Variants in SLC9A9 observed in about 807,000 individuals in gnomAD.
The protein encoded by SLC9A9 is solute carrier family 9 member A9.
SLC9A9 carries 62 observed loss-of-function variants against 77.8 expected under a neutral mutation model. The observed-to-expected ratio is 0.80, with a 90% CI of 0.65 to 0.98. SLC9A9 has a LOEUF of 0.98. Ranked by LOEUF, SLC9A9 falls within the 50% of genes least tolerant of loss-of-function variation. The pLI is 0.00. For missense variants in SLC9A9, 775 were observed against 774.9 expected (o/e 1.00, Z 0.00); for synonymous variants, 320 against 283.5 (o/e 1.13, Z -1.29).
In SLC9A9 at chr3:143,728,027, C is replaced by T. The variant is rs1008287821; in HGVS notation, c.534-34720G>A. The stretch of plus-strand genomic sequence containing the variant: ...ATTTCTTCTTTATGTTCTTCTCCTT[C>T]GAATATTGTCCCTGATAGCTGTTTT... On this transcript the variant is annotated intron_variant, in intron 4 of 15. Transcript: ENST00000316549. Among the ~76,000 whole-genome samples the T allele has an allele frequency of 4.6e-5, 7 of 152,286 alleles. No homozygotes were observed. The South Asian group carries it at 1.0e-3, about 23-fold the overall frequency.
chr3:143,574,097 C>T lies in SLC9A9; in HGVS notation c.991G>A (p.Gly331Ser), dbSNP rs544613454. Residue 331 changes from glycine to serine, a missense_variant, in exon 8 of 16, where the codon GGC (glycine) becomes AGC (serine). Transcript: ENST00000316549. The stretch of plus-strand genomic sequence containing the variant: ...AGCATGAAGCACTGACCTGTTAGGC[C>T]GGCAGCCTCGGCAGACAGGAAGGCA... ...WSAFLSAEAAGLTGIVAVLFC... is the reference protein window; with the variant it reads ...WSAFLSAEAASLTGIVAVLFC... The T allele has an allele frequency of 4.2e-5, 67 of 1,612,918 alleles. No individual in the cohort carries two copies. The highest frequency in any genetic ancestry group is 2.9e-4 in the East Asian group (13 of 44,826).
intron 14 of SLC9A9, among the ~76,000 whole-genome samples, chr3:143,330,017 G>A (rs139440750): frequency 3.3e-5 from 5 of 152,252 alleles, no homozygotes; most frequent in Admixed American, 6.5e-5. Context: ...AAATGCTGGC[G>A]GCGCTATTCA....
intron 14 of SLC9A9, among the ~76,000 whole-genome samples, chr3:143,304,864 G>A (rs2030707139): frequency 6.6e-6 from 1 of 152,124 alleles, no homozygotes; most frequent in South Asian, 2.1e-4. Flanking sequence ...CCCAGGTGAT[G>A]AGCACCACCA....
chr3:143,321,010 A>G (rs2031400280), intron 14 of SLC9A9, among the ~76,000 whole-genome samples: 1 of 152,206 alleles, frequency 6.6e-6, no homozygotes, highest in East Asian at 1.9e-4. Flanking sequence ...ATTGCCAGCA[A>G]TCGTCACAGG....
chr3:143,672,734 T>G (rs1336753044), intron 5 of SLC9A9, among the ~76,000 whole-genome samples: 3 of 152,206 alleles, frequency 2.0e-5, no homozygotes, highest in Non-Finnish European at 4.4e-5. Flanking sequence ...TTAAAATGAA[T>G]TTAATTAAAA....
intron 12 of SLC9A9, among the ~76,000 whole-genome samples, chr3:143,389,672 AC>A (rs2033507917): frequency 6.6e-6 from 1 of 152,182 alleles, no homozygotes; most frequent in South Asian, 2.1e-4. Flanking sequence ...AAAAATAGCA[AC>A]CCCCTCAGAG....
intron 15 of SLC9A9, 118 bp from the exon 16 acceptor site, chr3:143,267,047 G>T: frequency 1.1e-6 from 1 of 917,672 alleles, no homozygotes; most frequent in Non-Finnish European, 1.7e-6. Flanking sequence ...TAACTGCCCT[G>T]TCTGGCCTTG....
intron 6 of SLC9A9, among the ~76,000 whole-genome samples, chr3:143,599,150 T>C (rs1209529667): frequency 5.9e-5 from 9 of 152,246 alleles, no homozygotes; most frequent in Non-Finnish European, 5.9e-5. Flanking sequence ...GCCTACCGTG[T>C]GCCTCATGGG....
chr3:143,544,541 T>G (rs1001336703), intron 9 of SLC9A9, among the ~76,000 whole-genome samples: 33 of 152,322 alleles, frequency 2.2e-4, no homozygotes, highest in African/African-American at 7.9e-4. Flanking sequence ...TTTAGTTGTT[T>G]AAGTTTCTTA....
intron 12 of SLC9A9, among the ~76,000 whole-genome samples, chr3:143,386,768 T>C (rs1360534083): frequency 1.3e-5 from 2 of 152,138 alleles, no homozygotes; most frequent in African/African-American, 4.8e-5. Flanking sequence ...ACAGCAAGGA[T>C]TTCTGGTCTC....
rs7619486 is a variant in SLC9A9, at chr3:143,726,219, T to C, written c.534-32912A>G. Among the ~76,000 whole-genome samples, 1,254 of 125,766 alleles carry C rather than the reference T, an allele frequency of 1.0e-2. 23 individuals are homozygous for C. Among genetic ancestry groups the C allele is most frequent in the African/African-American group, 0.036 (1,203 of 33,496 alleles). 82.5% of individuals were successfully genotyped at this position (125,766 alleles called of 152,430 possible). ...CCTGCACATCCTGCACATGCACCCC[T>C]GAACTTAAAATAAAAGTTGGAAATA... On this transcript the variant is annotated intron_variant, in intron 4 of 15. Transcript: ENST00000316549.
chr3:143,669,512 C>T (rs541765213), intron 5 of SLC9A9, among the ~76,000 whole-genome samples: 2 of 152,262 alleles, frequency 1.3e-5, no homozygotes, highest in Admixed American at 1.3e-4. Flanking sequence ...TTGCTTGATC[C>T]ACTTTCAACA....
chr3:143,391,385 A>C (rs553056102), intron 12 of SLC9A9, among the ~76,000 whole-genome samples: 14 of 152,368 alleles, frequency 9.2e-5, no homozygotes, highest in African/African-American at 3.4e-4. Context: ...CCTGCAGCTG[A>C]GGGTCCTGAC....
intron 14 of SLC9A9, among the ~76,000 whole-genome samples, chr3:143,296,541 T>C (rs1426521034): frequency 1.3e-5 from 2 of 152,274 alleles, no homozygotes; most frequent in African/African-American, 2.4e-5. Flanking sequence ...AAATATCTTT[T>C]GGAAATTCTG....
intron 6 of SLC9A9, among the ~76,000 whole-genome samples, chr3:143,644,669 A>G (rs1384901392): frequency 1.3e-5 from 2 of 152,158 alleles, no homozygotes; most frequent in East Asian, 3.9e-4. Context: ...TGGCCTTGCC[A>G]TTCCTGCCAT....
intron 14 of SLC9A9, among the ~76,000 whole-genome samples, chr3:143,290,243 A>C (rs1332311400): frequency 6.6e-6 from 1 of 152,194 alleles, no homozygotes; most frequent in Non-Finnish European, 1.5e-5. Flanking sequence ...GGATGGTCCA[A>C]GGCAAACCAG....
chr3:143,505,893 A>AT (rs1322824254), intron 9 of SLC9A9, among the ~76,000 whole-genome samples: 1 of 152,092 alleles, frequency 6.6e-6, no homozygotes, highest in Non-Finnish European at 1.5e-5. Flanking sequence ...GGGGAAGGCC[A>AT]TTTTCTCTGA....
chr3:143,276,585 G>C (rs1938055106), intron 14 of SLC9A9, among the ~76,000 whole-genome samples: 1 of 152,160 alleles, frequency 6.6e-6, no homozygotes, highest in Admixed American at 6.5e-5. Context: ...CAAGGAATAG[G>C]AGAAACATGA....
chr3:143,429,247 T>TA (rs1180431635), intron 12 of SLC9A9, among the ~76,000 whole-genome samples: 3 of 152,250 alleles, frequency 2.0e-5, no homozygotes, highest in African/African-American at 2.4e-5. Flanking sequence ...GAAAATGTGT[T>TA]ACAAATATTT....
Sources: gnomAD v4.1 joint callset for allele counts (sites outside exome capture counted in the v4.1 genomes callset) on GRCh38, gnomAD v4.1.1 for gene constraint, MANE v1.5 for transcripts, NCBI Gene and HGNC (gene_info 2026-07-23, HGNC 2026-07-21) for gene names.